The following CARMIL1 variants were observed in gnomAD, a reference collection of about 807,000 sequenced individuals.
The protein encoded by CARMIL1 is capping protein regulator and myosin 1 linker 1.
A neutral mutation model predicts 177.1 loss-of-function variants in CARMIL1; 90 were observed. That is an observed-to-expected ratio of 0.51 (90% CI 0.43 to 0.61). The LOEUF (loss-of-function observed/expected upper bound fraction) is 0.61, where lower values mean the gene tolerates loss of function less well. Ranked by LOEUF, CARMIL1 falls within the 20% of genes least tolerant of loss-of-function variation. CARMIL1 has a pLI of 0.00. For synonymous variants in CARMIL1, 577 were observed against 606.2 expected (o/e 0.95, Z 0.71); for missense variants, 1,380 against 1,667.0 (o/e 0.83, Z 3.00).
intron 32 of CARMIL1, among the ~76,000 whole-genome samples, chr6:25,597,780 TTC>T (rs1410202739): frequency 6.6e-6 from 1 of 152,210 alleles, no homozygotes; most frequent in African/African-American, 2.4e-5. Flanking sequence ...GTGGAGCACC[TTC>T]TTGAATTGCT....
intron 8 of CARMIL1, among the ~76,000 whole-genome samples, chr6:25,464,247 A>G (rs1562174431): frequency 6.6e-6 from 1 of 150,936 alleles, no homozygotes; most frequent in African/African-American, 2.4e-5. Flanking sequence ...ATTTCTCTGG[A>G]TTTTTTTTTT....
At position 25,575,799 on chromosome 6, in the gene CARMIL1, T is replaced by C. The variant is rs368118745; in HGVS notation, c.2743-5125T>C. On this transcript the variant is annotated intron_variant, in intron 29 of 36. Coordinates refer to ENST00000329474, the MANE Select transcript of CARMIL1 (RefSeq NM_017640.6). ...AGCCTTTCTGATAAGCACATAATAC[T>C]GGTGCCAATGATGGTGATGGTTATA... is the stretch of plus-strand genomic sequence containing the variant. 3.3e-5 allele frequency among the ~76,000 whole-genome samples: 5 copies of C among 152,310 alleles called. No individual in the cohort carries two copies. In the East Asian group the frequency reaches 7.7e-4, roughly 23 times the overall value.
chr6:25,499,057 T>A (rs1462757334), intron 16 of CARMIL1, among the ~76,000 whole-genome samples: 1 of 152,162 alleles, frequency 6.6e-6, no homozygotes, highest in African/African-American at 2.4e-5. Flanking sequence ...CCCTATGTGT[T>A]CCATGCCACT....
intron 2 of CARMIL1, among the ~76,000 whole-genome samples, chr6:25,410,327 C>A (rs941654154): frequency 1.3e-5 from 2 of 152,272 alleles, no homozygotes; most frequent in African/African-American, 4.8e-5. Flanking sequence ...AATAGACTTA[C>A]AGTAAAAGAA....
chr6:25,546,787 C>G (rs913946341), intron 26 of CARMIL1, among the ~76,000 whole-genome samples: 1 of 151,806 alleles, frequency 6.6e-6, no homozygotes, highest in Non-Finnish European at 1.5e-5. Flanking sequence ...TGGTGGCTCA[C>G]GTTTGTAATC....
At chr6:25,580,529 AG>A (rs1459984524) in intron 29 of CARMIL1, among the ~76,000 whole-genome samples, 2 of 152,234 alleles carry the variant, frequency 1.3e-5, no homozygotes, top group Admixed American at 6.5e-5. Context: ...ACACAGAAAG[AG>A]GTCAGGGTTG....
chr6:25,479,042 T>C (rs948954538), intron 11 of CARMIL1: 35 of 504,906 alleles, frequency 6.9e-5, no homozygotes, highest in Admixed American at 6.8e-4. Flanking sequence ...TCACCTGTGC[T>C]CTGACATCCA....
In CARMIL1 at chr6:25,483,834, C is replaced by T. The variant is rs951679982; in HGVS notation, c.961+1491C>T. On this transcript the variant is annotated intron_variant, in intron 12 of 36. Coordinates refer to ENST00000329474, the MANE Select transcript of CARMIL1 (RefSeq NM_017640.6). ...CTAGGCTGGAGTGCAGTGGTACGAT[C>T]TTGGCTTATTGCAGCCTCAACCTCC... Among the ~76,000 whole-genome samples the T allele has an allele frequency of 2.0e-5, 3 of 152,194 alleles. 1 individual carries two copies. The highest frequency in any genetic ancestry group is 6.5e-5 in the Admixed American group (1 of 15,290).
chr6:25,367,453 G>A (rs1690616672), intron 2 of CARMIL1, among the ~76,000 whole-genome samples: 1 of 152,010 alleles, frequency 6.6e-6, no homozygotes, highest in Non-Finnish European at 1.5e-5. Flanking sequence ...AAGTGTGGGG[G>A]TTGCTGCTGT....
intron 2 of CARMIL1, among the ~76,000 whole-genome samples, chr6:25,327,332 CAG>C (rs763591103): frequency 1.8e-4 from 28 of 152,110 alleles, no homozygotes; most frequent in Non-Finnish European, 2.2e-4. Context: ...ATTTCAGGAA[CAG>C]AGTGATCAAC....
At chr6:25,324,227 C>T (rs1476728513) in intron 2 of CARMIL1, among the ~76,000 whole-genome samples, 1 of 152,216 alleles carries the variant, frequency 6.6e-6, no homozygotes, top group Non-Finnish European at 1.5e-5. Flanking sequence ...TTGGGCATGT[C>T]CCTGGAGGGA....
At chr6:25,574,369 A>G (rs1038757588) in intron 29 of CARMIL1, among the ~76,000 whole-genome samples, 4 of 152,228 alleles carry the variant, frequency 2.6e-5, no homozygotes, top group Admixed American at 6.5e-5. Context: ...TGTTTTGCCA[A>G]TATACACTGG....
At chr6:25,356,560 T>C (rs1443869737) in intron 2 of CARMIL1, among the ~76,000 whole-genome samples, 2 of 152,368 alleles carry the variant, frequency 1.3e-5, no homozygotes, top group East Asian at 1.9e-4. Flanking sequence ...CTGAAAATAC[T>C]TTCTCAATTT....
chr6:25,570,050 C>T (rs1011173780), intron 29 of CARMIL1, among the ~76,000 whole-genome samples: 5 of 151,922 alleles, frequency 3.3e-5, no homozygotes, highest in African/African-American at 1.2e-4. Context: ...CTGCAAGCTC[C>T]GCCTCCCGAG....
At chr6:25,588,524 C>T (rs546812456) in intron 31 of CARMIL1, among the ~76,000 whole-genome samples, 1 of 152,332 alleles carries the variant, frequency 6.6e-6, no homozygotes, top group African/African-American at 2.4e-5. Context: ...TCACATTCAT[C>T]TGAATACCAC....
intron 2 of CARMIL1, among the ~76,000 whole-genome samples, chr6:25,407,996 G>C (rs537845982): frequency 2.0e-5 from 3 of 152,116 alleles, no homozygotes; most frequent in African/African-American, 7.2e-5. Context: ...TCTCTGGCCC[G>C]TGGATCACAC....
intron 31 of CARMIL1, among the ~76,000 whole-genome samples, chr6:25,586,635 A>T (rs1313366485): frequency 6.6e-6 from 1 of 152,000 alleles, no homozygotes; most frequent in Non-Finnish European, 1.5e-5. Context: ...GCGAGCCGAG[A>T]TCACGCCACT....
chr6:25,298,194 AG>A (rs1271719994), intron 2 of CARMIL1, among the ~76,000 whole-genome samples: 1 of 152,196 alleles, frequency 6.6e-6, no homozygotes, highest in Non-Finnish European at 1.5e-5. Flanking sequence ...TGTTATTGTT[AG>A]GGGTAGTGTC....
chr6:25,412,916 T>G (rs1339063214), intron 2 of CARMIL1, among the ~76,000 whole-genome samples: 1 of 152,150 alleles, frequency 6.6e-6, no homozygotes. Context: ...GGATTTTAAG[T>G]CAGGAATTAA....
Sources: gnomAD v4.1 joint callset for allele counts (sites outside exome capture counted in the v4.1 genomes callset) on GRCh38, gnomAD v4.1.1 for gene constraint, MANE v1.5 for transcripts, NCBI Gene and HGNC (gene_info 2026-07-23, HGNC 2026-07-21) for gene names.